The following CEP41 variants were observed in gnomAD, a reference collection of about 807,000 sequenced individuals.
CEP41 encodes the protein centrosomal protein 41, also known as centrosomal protein of 41 kDa.
A neutral mutation model predicts 44.3 loss-of-function variants in CEP41; 32 were observed. That is an observed-to-expected ratio of 0.72 (90% CI 0.54 to 0.97). The LOEUF is 0.97. Among genes scored for constraint, CEP41 ranks in the 50% least tolerant of loss-of-function variants. CEP41 has a pLI of 0.00. For missense variants in CEP41, 432 were observed against 455.2 expected, an observed-to-expected ratio of 0.95 and a Z score of 0.46; for synonymous variants, 151 against 168.5, an observed-to-expected ratio of 0.90 and a Z score of 0.80.
At chr7:130,425,450 T>C (rs1053721626) in intron 2 of CEP41, among the ~76,000 whole-genome samples, 1 of 152,248 alleles carries the variant, frequency 6.6e-6, no homozygotes, top group East Asian at 1.9e-4. Flanking sequence ...TGCAATGATA[T>C]ATGCCACCAC....
intron 3 of CEP41, among the ~76,000 whole-genome samples, chr7:130,413,070 C>T (rs1797231426): frequency 1.3e-5 from 2 of 152,064 alleles, no homozygotes; most frequent in African/African-American, 4.8e-5. Context: ...CGGCTCTCTG[C>T]CACCTCCGCC....
chr7:130,430,218 A>C (rs1797783642), intron 1 of CEP41, among the ~76,000 whole-genome samples: 1 of 152,200 alleles, frequency 6.6e-6, no homozygotes, highest in South Asian at 2.1e-4. Context: ...ATTGCCAAGG[A>C]CATAAAAAAC....
At chr7:130,405,203 T>TCCAC (rs1796973626) in intron 5 of CEP41, among the ~76,000 whole-genome samples, 1 of 152,096 alleles carries the variant, frequency 6.6e-6, no homozygotes, top group African/African-American at 2.4e-5. Flanking sequence ...AGGTGAGGAG[T>TCCAC]CCACATACAT....
chr7:130,434,606 T>G lies in CEP41; in HGVS notation c.33+6328A>C, dbSNP rs188373103. Among the ~76,000 whole-genome samples, 319 of 152,328 alleles carry G rather than the reference T, an allele frequency of 2.1e-3. 1 individual carries two copies. Among genetic ancestry groups the G allele is most frequent in the African/African-American group, 7.1e-3 (297 of 41,582 alleles). On this transcript the variant is annotated intron_variant, in intron 1 of 10. Coordinates refer to ENST00000223208, the MANE Select transcript of CEP41 (RefSeq NM_018718.3). ...GTGCTCTAGTCACATGCTAGATTAC[T>G]ATACAATAGGTAAAGTAATAAACTG...
chr7:130,410,029 C>CTTTTTTTTTTTTTTTCT (rs782636525), intron 5 of CEP41, among the ~76,000 whole-genome samples: 2 of 139,890 alleles, frequency 1.4e-5, no homozygotes, highest in Admixed American at 7.2e-5. Flanking sequence ...CCTCGGTCTT[C>CTTTTTTTTTTTTTTTCT]TTTTTTTTTT....
chr7:130,408,159 A>T (rs1023861994), intron 5 of CEP41, among the ~76,000 whole-genome samples: 4 of 152,198 alleles, frequency 2.6e-5, no homozygotes, highest in Admixed American at 6.5e-5. Context: ...TCCAGAAATA[A>T]AACATTTACA....
At chr7:130,434,756 G>C (rs1379515102) in intron 1 of CEP41, among the ~76,000 whole-genome samples, 2 of 152,112 alleles carry the variant, frequency 1.3e-5, no homozygotes, top group Non-Finnish European at 2.9e-5. Context: ...TGTTTTATAT[G>C]AAAAATATGG....
At chr7:130,439,992 G>C (rs907992330) in intron 1 of CEP41, among the ~76,000 whole-genome samples, 1 of 152,094 alleles carries the variant, frequency 6.6e-6, no homozygotes, top group African/African-American at 2.4e-5. Flanking sequence ...CTGTTCACAG[G>C]CTCCTTCACT....
intron 3 of CEP41, among the ~76,000 whole-genome samples, chr7:130,416,036 A>C (rs1327006463): frequency 2.0e-5 from 3 of 152,218 alleles, no homozygotes; most frequent in African/African-American, 7.2e-5. Context: ...TATTGCAGCA[A>C]TTCAAATGGA....
intron 1 of CEP41, among the ~76,000 whole-genome samples, chr7:130,435,183 C>T (rs1448738120): frequency 6.6e-6 from 1 of 151,738 alleles, no homozygotes; most frequent in East Asian, 1.9e-4. Flanking sequence ...TTCAAATGTA[C>T]AGAGAAGGTT....
chr7:130,407,102 C>T (rs966052207), intron 5 of CEP41, among the ~76,000 whole-genome samples: 1 of 151,850 alleles, frequency 6.6e-6, no homozygotes, highest in African/African-American at 2.4e-5. Context: ...TTAAAGAAGA[C>T]CTCAATGAAG....
intron 1 of CEP41, among the ~76,000 whole-genome samples, chr7:130,438,643 A>G (rs1563000896): frequency 6.6e-6 from 1 of 152,180 alleles, no homozygotes; most frequent in Non-Finnish European, 1.5e-5. Context: ...CATCTTCCAC[A>G]ATGTAGCTAC....
rs1796855214 is a variant in CEP41 at position 130,401,911 on chromosome 7, C to T, written c.612G>A (p.Met204Ile). 1.2e-6 allele frequency: 2 copies of T among 1,610,222 alleles called. No individual in the cohort carries two copies. The highest frequency in any genetic ancestry group is 1.7e-5 in the Admixed American group (1 of 59,980). Residue 204 changes from methionine to isoleucine, a missense_variant, in exon 8 of 11, where the codon ATG becomes ATA. Met to Ile is a conservative substitution (Grantham distance 10, BLOSUM62 1). Transcript: ENST00000223208. The stretch of plus-strand genomic sequence containing the variant: ...CAAGAATATCATTTGAATAAGGGTT[C>T]ATTGTTCTAGACAGAGTTGCAATTG... The part of the protein sequence containing the change: ...SYPIATLSRT[M>I]NPYSNDILEY...
intron 1 of CEP41, among the ~76,000 whole-genome samples, chr7:130,436,392 T>G (rs1797964706): frequency 6.6e-6 from 1 of 152,016 alleles, no homozygotes; most frequent in African/African-American, 2.4e-5. Flanking sequence ...GTTAGGATGA[T>G]GAGAGGGAAG....
chr7:130,419,146 A>G, intron 2 of CEP41: 1 of 985,382 alleles, frequency 1.0e-6, no homozygotes, highest in Non-Finnish European at 1.2e-6. Context: ...TTTTCCCCCT[A>G]AAGGAGAAGG....
In CEP41 at chr7:130,395,634, G is replaced by A. The variant is rs1421831277; in HGVS notation, c.*3257C>T. 3.5e-5 allele frequency: 16 copies of A among 453,846 alleles called. No homozygotes were observed. The highest frequency in any genetic ancestry group is 6.2e-5 in the Non-Finnish European group (14 of 226,780). 28.1% of individuals were successfully genotyped at this position (453,846 alleles called of 1,614,324 possible). A position where few individuals can be genotyped will look rare whatever the true frequency, so the allele number is the denominator to read the frequency against. On this transcript the variant is annotated 3_prime_UTR_variant, in exon 11 of 11. Transcript: ENST00000223208. ...AACCAACACAAGAAAAATTACCTAC[G>A]TATTTCTTCCTAGCCTAGGACTCTG...
In CEP41 at chr7:130,394,186, C is replaced by T. The variant is rs1201175029; in HGVS notation, c.*4705G>A. On this transcript the variant is annotated 3_prime_UTR_variant, in exon 11 of 11. Transcript: ENST00000223208. ...CCCACCCAGAGTGAGAAGCATAGAGCGGAGTGGCTGAAAGAACACCCTCTG... is the reference window on the plus strand; with the variant it reads ...CCCACCCAGAGTGAGAAGCATAGAGTGGAGTGGCTGAAAGAACACCCTCTG... 9 of 453,928 alleles carry T rather than the reference C, an allele frequency of 2.0e-5. No individual in the cohort carries two copies. Among genetic ancestry groups the T allele is most frequent in the African/African-American group, 4.0e-5 (2 of 49,990 alleles). The allele number at this position is 453,928 out of a possible 1,614,324, so 28.1% of individuals were successfully genotyped here. A position where few individuals can be genotyped will look rare whatever the true frequency, so the allele number is the denominator to read the frequency against.
intron 1 of CEP41, 36 bp downstream of exon 1, chr7:130,440,898 C>A (rs1798135231): frequency 6.2e-7 from 1 of 1,607,898 alleles, no homozygotes; most frequent in African/African-American, 1.3e-5. Flanking sequence ...GGTGCGCCCG[C>A]CCCCTCCGGC....
intron 6 of CEP41, among the ~76,000 whole-genome samples, chr7:130,403,662 C>G (rs1312737770): frequency 5.3e-5 from 8 of 152,122 alleles, no homozygotes; most frequent in African/African-American, 1.9e-4. Flanking sequence ...TAGCTCCTTT[C>G]CCATAACAGC....
Sources: gnomAD v4.1 joint callset for allele counts (sites outside exome capture counted in the v4.1 genomes callset) on GRCh38, gnomAD v4.1.1 for gene constraint, MANE v1.5 for transcripts, NCBI Gene and HGNC (gene_info 2026-07-23, HGNC 2026-07-21) for gene names.